The following TCF4 variants were observed in gnomAD, a reference collection of about 807,000 sequenced individuals.
TCF4 encodes the protein SL3-3 enhancer factor 2.
TCF4 carries 3 observed loss-of-function variants against 82.1 expected under a neutral mutation model. That is an observed-to-expected ratio of 0.04 (90% CI 0.02 to 0.09). The LOEUF (loss-of-function observed/expected upper bound fraction) is 0.09. Ranked by LOEUF, TCF4 falls within the 10% of genes least tolerant of loss-of-function variation. The probability of loss-of-function intolerance (pLI) is 1.00; values close to 1 mark genes in which losing one functional copy is unlikely to be tolerated. For synonymous variants in TCF4, 276 were observed against 309.6 expected, an observed-to-expected ratio of 0.89 and a Z score of 1.14; for missense variants, 518 against 852.7, an observed-to-expected ratio of 0.61 and a Z score of 4.89.
Position 55,225,706 on chromosome 18 carries a change from C to G in TCF4, c.*2329G>C, listed in dbSNP as rs2046503790. 1 of 152,486 alleles carries G rather than the reference C, an allele frequency of 6.6e-6. No individual in the cohort carries two copies. Among genetic ancestry groups the G allele is most frequent in the Non-Finnish European group, 1.5e-5 (1 of 67,980 alleles). The allele number at this position is 152,486 out of a possible 1,614,324, so 9.4% of individuals were successfully genotyped here. A position where few individuals can be genotyped will look rare whatever the true frequency, so the allele number is the denominator to read the frequency against. ...TTGTCTTCCATGTCCTTCTCTGAGC[C>G]TCTTTGTTCATACATTTCACAGGAA... On this transcript the variant is annotated 3_prime_UTR_variant, in exon 20 of 20. Transcript: ENST00000354452.
upstream of TCF4, chr18:55,589,228 C>A: frequency 9.7e-7 from 1 of 1,025,752 alleles, no homozygotes; most frequent in Non-Finnish European, 1.2e-6. Flanking sequence ...AATAAAACAT[C>A]GGGATCGACA....
At chr18:55,449,406 A>C (rs918174762) in intron 5 of TCF4, among the ~76,000 whole-genome samples, 3 of 152,216 alleles carry the variant, frequency 2.0e-5, no homozygotes, top group Admixed American at 6.5e-5. Context: ...CTGTCAGTAG[A>C]CCAATTGTTA....
intron 8 of TCF4, among the ~76,000 whole-genome samples, chr18:55,307,669 G>C (rs2070812929): frequency 6.6e-6 from 1 of 152,128 alleles, no homozygotes; most frequent in Admixed American, 6.5e-5. Context: ...AGTTTAAAGT[G>C]GTATTTGCAT....
At chr18:55,539,868 A>C (rs2097150300) in intron 3 of TCF4, among the ~76,000 whole-genome samples, 1 of 152,164 alleles carries the variant, frequency 6.6e-6, no homozygotes, top group Non-Finnish European at 1.5e-5. Context: ...AAGCTAGGTA[A>C]AGTGAAAAAC....
At chr18:55,297,668 G>C (rs192938791) in intron 8 of TCF4, among the ~76,000 whole-genome samples, 17 of 152,130 alleles carry the variant, frequency 1.1e-4, no homozygotes, top group Admixed American at 8.5e-4. Context: ...TCTGATTCAA[G>C]TGTGGTCTGA....
intron 3 of TCF4, among the ~76,000 whole-genome samples, chr18:55,575,576 A>T (rs11151167): frequency 0.099 from 14,720 of 149,280 alleles, 924 homozygotes; most frequent in Non-Finnish European, 0.14. Context: ...TTTGTCATAA[A>T]TTTTTTTTTT....
At chr18:55,620,692 G>A (rs746187034) in intron 2 of TCF4, among the ~76,000 whole-genome samples, 2 of 152,118 alleles carry the variant, frequency 1.3e-5, no homozygotes, top group Non-Finnish European at 2.9e-5. Context: ...ATTAGGCTGG[G>A]CAATCATAGG....
rs190066039 is a variant in TCF4, at chr18:55,411,561, G to A, written c.305-8043C>T. ...TTTTCACTATGTTCTTAGGCAGAAG[G>A]AAGACTTGTGATGAGATGGTGAGTG... On this transcript the variant is annotated intron_variant, in intron 5 of 19. Transcript: ENST00000354452. Among the ~76,000 whole-genome samples the A allele has an allele frequency of 5.3e-5, 8 of 152,258 alleles. No individual in the cohort carries two copies. The East Asian group carries it at 1.5e-3, about 29-fold the overall frequency.
intron 6 of TCF4, among the ~76,000 whole-genome samples, chr18:55,384,512 T>G (rs1425228302): frequency 6.6e-6 from 1 of 152,062 alleles, no homozygotes; most frequent in Admixed American, 6.5e-5. Context: ...CAACAAAAAC[T>G]GGCATAGGGA....
chr18:55,510,869 G>A, intron 3 of TCF4: 1 of 770,582 alleles, frequency 1.3e-6, no homozygotes, highest in Non-Finnish European at 1.7e-6. Context: ...TTGAACAATA[G>A]CAGACCTTTT....
chr18:55,277,433 G>A (rs938325890), intron 9 of TCF4, among the ~76,000 whole-genome samples: 1 of 152,160 alleles, frequency 6.6e-6, no homozygotes, highest in Non-Finnish European at 1.5e-5. Context: ...TTAACACAGA[G>A]TACTCTGCTT....
chr18:55,381,523 A>G (rs1039283831), intron 6 of TCF4, among the ~76,000 whole-genome samples: 5 of 152,256 alleles, frequency 3.3e-5, no homozygotes, highest in African/African-American at 7.2e-5. Context: ...ACTGCAGCAT[A>G]AAGTGTGGCA....
At chr18:55,513,948 T>C (rs2146341714) in intron 3 of TCF4, among the ~76,000 whole-genome samples, 1 of 152,266 alleles carries the variant, frequency 6.6e-6, no homozygotes, top group East Asian at 1.9e-4. Flanking sequence ...AACATGCAAA[T>C]CCCTTTGTAT....
Position 55,586,954 on chromosome 18 carries a change from C to T in TCF4, c.72+91G>A, listed in dbSNP as rs893468851. ...CAGCCAATTAAAAATTATTACTGTC[C>T]TTTAGATTCCTACTGGTTTCTAGCT... On this transcript the variant is annotated intron_variant, in intron 2 of 19. Coordinates refer to ENST00000354452, the MANE Select transcript of TCF4 (RefSeq NM_001083962.2). 24 of 1,129,722 alleles carry T rather than the reference C, an allele frequency of 2.1e-5. No individual in the cohort carries two copies. In the African/African-American group the frequency reaches 3.7e-4, roughly 17 times the overall value. 70.0% of individuals were successfully genotyped at this position (1,129,722 alleles called of 1,614,324 possible).
chr18:55,556,941 C>G (rs758415135), intron 3 of TCF4, among the ~76,000 whole-genome samples: 6 of 152,166 alleles, frequency 3.9e-5, no homozygotes, highest in Non-Finnish European at 7.3e-5. Context: ...TTGTCCCCAT[C>G]ACTTACTTCT....
intron 6 of TCF4, chr18:55,401,584 T>A (rs1358875848): frequency 1.0e-6 from 1 of 987,142 alleles, no homozygotes; most frequent in Non-Finnish European, 1.2e-6. Flanking sequence ...TCTCACCTTG[T>A]GTTTGGAAAA....
intron 5 of TCF4, among the ~76,000 whole-genome samples, chr18:55,412,774 A>T (rs1311343171): frequency 6.6e-6 from 1 of 152,216 alleles, no homozygotes; most frequent in Admixed American, 6.5e-5. Flanking sequence ...AATATGAAGG[A>T]AATCAGCAGC....
At chr18:55,549,135 C>G (rs1456162799) in intron 3 of TCF4, among the ~76,000 whole-genome samples, 1 of 151,950 alleles carries the variant, frequency 6.6e-6, no homozygotes, top group Non-Finnish European at 1.5e-5. Flanking sequence ...ACCCCGTCAC[C>G]ACAAAAAATG....
chr18:55,249,738 T>C (rs773643026), intron 15 of TCF4, among the ~76,000 whole-genome samples: 9 of 152,202 alleles, frequency 5.9e-5, no homozygotes, highest in Non-Finnish European at 1.0e-4. Flanking sequence ...GCTACACTAA[T>C]GCGATATATG....
Sources: gnomAD v4.1 joint callset for allele counts (sites outside exome capture counted in the v4.1 genomes callset) on GRCh38, gnomAD v4.1.1 for gene constraint, MANE v1.5 for transcripts, NCBI Gene and HGNC (gene_info 2026-07-23, HGNC 2026-07-21) for gene names.